Variants in ST7 observed in about 807,000 individuals in gnomAD.
The protein encoded by ST7 is suppression of tumorigenicity 7.
In ST7, 28 loss-of-function variants were observed where a neutral mutation model predicts 78.7. The observed-to-expected ratio is 0.36, with a 90% CI of 0.26 to 0.49. The LOEUF (loss-of-function observed/expected upper bound fraction) is 0.49. Ranked by LOEUF, ST7 falls within the 20% of genes least tolerant of loss-of-function variation. The probability of loss-of-function intolerance (pLI) is 0.99; values close to 1 mark genes in which losing one functional copy is unlikely to be tolerated. For synonymous variants in ST7, 247 were observed against 249.6 expected (o/e 0.99, Z 0.10); for missense variants, 418 against 696.0 (o/e 0.60, Z 4.49).
intron 1 of ST7, among the ~76,000 whole-genome samples, chr7:116,996,597 T>C (rs756790454): frequency 1.3e-5 from 2 of 152,208 alleles, no homozygotes; most frequent in Non-Finnish European, 2.9e-5. Context: ...TCTGTTATGT[T>C]CCCTACTCCA....
chr7:117,104,235 G>T (rs1417543450), intron 2 of ST7, among the ~76,000 whole-genome samples: 2 of 152,216 alleles, frequency 1.3e-5, no homozygotes, highest in Non-Finnish European at 2.9e-5. Context: ...GAGGCCAGGA[G>T]TTCGAGACCA....
intron 9 of ST7, among the ~76,000 whole-genome samples, chr7:117,141,514 T>C (rs1805293498): frequency 6.6e-6 from 1 of 152,212 alleles, no homozygotes; most frequent in Non-Finnish European, 1.5e-5. Flanking sequence ...TTAATTATTT[T>C]GAATTCCCAG....
intron 1 of ST7, among the ~76,000 whole-genome samples, chr7:117,006,574 A>T (rs191606029): frequency 6.6e-6 from 1 of 152,264 alleles, no homozygotes; most frequent in South Asian, 2.1e-4. Flanking sequence ...GTAAGAACAG[A>T]AATATACCTA....
intron 1 of ST7, among the ~76,000 whole-genome samples, chr7:117,073,395 C>T (rs781672681): frequency 7.4e-5 from 11 of 148,496 alleles, no homozygotes; most frequent in Non-Finnish European, 1.4e-4. Context: ...AGATGAATGA[C>T]ACAAACACCT....
At chr7:117,209,072 G>A (rs949595970) in intron 12 of ST7, among the ~76,000 whole-genome samples, 7 of 152,194 alleles carry the variant, frequency 4.6e-5, no homozygotes, top group South Asian at 2.1e-4. Context: ...AAATGGAAAC[G>A]TAGTCTTTTC....
intron 1 of ST7, among the ~76,000 whole-genome samples, chr7:117,016,560 T>G (rs539968315): frequency 6.6e-4 from 101 of 152,308 alleles, no homozygotes; most frequent in African/African-American, 2.2e-3. Context: ...GCCTTAACAT[T>G]CTAAATAGAC....
chr7:117,189,316 A>G lies in ST7; in HGVS notation c.1079-5A>G. 2 of 1,599,062 alleles carry G rather than the reference A, an allele frequency of 1.3e-6. No homozygotes were observed. Among genetic ancestry groups the G allele is most frequent in the Non-Finnish European group, 1.7e-6 (2 of 1,170,970 alleles). On this transcript the variant is annotated splice_polypyrimidine_tract_variant and splice_region_variant and intron_variant, in intron 10 of 15. Coordinates refer to ENST00000323984, the MANE Select transcript of ST7 (RefSeq NM_001369598.1). ...ATGTGTTCCTACTTTCTTTTTCTCC[A>G]ACAGATATAAGCTTACCAAAGTCAG...
At chr7:116,993,146 T>C (rs1389778283) in intron 1 of ST7, among the ~76,000 whole-genome samples, 1 of 152,232 alleles carries the variant, frequency 6.6e-6, no homozygotes, top group African/African-American at 2.4e-5. Flanking sequence ...TGTTACCCAG[T>C]TCCGAAGTCA....
chr7:117,168,289 G>A (rs934216555), intron 9 of ST7, among the ~76,000 whole-genome samples: 2 of 152,182 alleles, frequency 1.3e-5, no homozygotes, highest in African/African-American at 4.8e-5. Flanking sequence ...GTCTCACTGA[G>A]TTTTAGTAAG....
chr7:117,091,781 C>T (rs1486666005), intron 1 of ST7, among the ~76,000 whole-genome samples: 1 of 152,302 alleles, frequency 6.6e-6, no homozygotes, highest in East Asian at 1.9e-4. Flanking sequence ...TCTTATCTCT[C>T]AGTTTCTGTG....
chr7:117,020,797 A>T (rs566539669), intron 1 of ST7, among the ~76,000 whole-genome samples: 99 of 152,286 alleles, frequency 6.5e-4, no homozygotes, highest in African/African-American at 2.3e-3. Flanking sequence ...TAACTGGGTT[A>T]TTCATCCTTA....
chr7:117,182,735 G>A (rs1417259094), intron 10 of ST7: 6 of 152,140 alleles, frequency 3.9e-5, no homozygotes, highest in African/African-American at 1.2e-4. Context: ...TTTTCCCTGA[G>A]CTCTCTACTG....
chr7:117,150,432 C>T (rs891898375), intron 9 of ST7, among the ~76,000 whole-genome samples: 8 of 152,146 alleles, frequency 5.3e-5, no homozygotes, highest in African/African-American at 1.7e-4. Context: ...CTTTTTTAAG[C>T]TCTTCAGGTG....
chr7:116,956,385 A>G (rs1272098422), intron 1 of ST7: 2 of 440,194 alleles, frequency 4.5e-6, no homozygotes, highest in African/African-American at 2.0e-5. Context: ...AGGGAGGTCT[A>G]AAAGAGTTCT....
intron 1 of ST7, among the ~76,000 whole-genome samples, chr7:116,970,597 C>T (rs374024995): frequency 5.3e-5 from 8 of 152,104 alleles, no homozygotes; most frequent in East Asian, 1.9e-4. Context: ...AGCACTCCAT[C>T]GTCATGACCT....
chr7:117,051,065 A>C (rs1028015354), intron 1 of ST7, among the ~76,000 whole-genome samples: 49 of 152,356 alleles, frequency 3.2e-4, no homozygotes, highest in African/African-American at 1.2e-3. Flanking sequence ...TACACAGTTC[A>C]AATTTGTGAT....
intron 1 of ST7, among the ~76,000 whole-genome samples, chr7:117,073,436 T>C (rs903754338): frequency 6.6e-6 from 1 of 152,210 alleles, no homozygotes; most frequent in African/African-American, 2.4e-5. Flanking sequence ...AGATATACTT[T>C]GTTTGCCTTT....
chr7:117,005,345 G>T (rs747261901), intron 1 of ST7, among the ~76,000 whole-genome samples: 81 of 152,156 alleles, frequency 5.3e-4, no homozygotes, highest in Non-Finnish European at 9.1e-4. Flanking sequence ...ACATTGTACA[G>T]AACAGGAATA....
At chr7:117,055,799 A>G (rs940268788) in intron 1 of ST7, among the ~76,000 whole-genome samples, 1 of 152,214 alleles carries the variant, frequency 6.6e-6, no homozygotes, top group Non-Finnish European at 1.5e-5. Flanking sequence ...AACCAGGTGT[A>G]TTAGTCAGGG....
Sources: allele counts gnomAD v4.1 joint callset (sites outside exome capture counted in the v4.1 genomes callset), GRCh38; gene constraint gnomAD v4.1.1; transcripts MANE v1.5; gene names NCBI Gene and HGNC (gene_info 2026-07-23, HGNC 2026-07-21).